Variants in CLMN observed in about 807,000 individuals in gnomAD.
CLMN encodes calmin, also known as calmin (calponin-like, transmembrane).
CLMN carries 57 observed loss-of-function variants against 92.7 expected under a neutral mutation model. The observed-to-expected ratio is 0.61, with a 90% confidence interval of 0.50 to 0.77. CLMN has a LOEUF of 0.77. Ranked by LOEUF, CLMN falls within the 30% of genes least tolerant of loss-of-function variation. The probability of loss-of-function intolerance (pLI) is 0.00; values close to 1 mark genes in which losing one functional copy is unlikely to be tolerated. For missense variants in CLMN, 1,158 were observed against 1,237.5 expected (o/e 0.94, Z 0.96); for synonymous variants, 466 against 470.6 (o/e 0.99, Z 0.13).
chr14:95,253,638 A>C (rs1898880460), intron 1 of CLMN, among the ~76,000 whole-genome samples: 1 of 147,976 alleles, frequency 6.8e-6, no homozygotes, highest in African/African-American at 2.5e-5. Context: ...TTTGAGACAG[A>C]GTCTCTCTCT....
intron 1 of CLMN, among the ~76,000 whole-genome samples, chr14:95,292,845 G>A (rs909237872): frequency 6.6e-6 from 1 of 152,090 alleles, no homozygotes; most frequent in South Asian, 2.1e-4. Context: ...GTGAGAGCAC[G>A]GGTGCCCGGT....
intron 4 of CLMN, among the ~76,000 whole-genome samples, chr14:95,216,132 C>A (rs927836397): frequency 1.3e-5 from 2 of 152,126 alleles, no homozygotes; most frequent in Admixed American, 1.3e-4. Context: ...GTTGGAGAGG[C>A]CTCACAATCA....
chr14:95,239,808 C>G (rs896442679), intron 1 of CLMN, among the ~76,000 whole-genome samples: 1 of 152,204 alleles, frequency 6.6e-6, no homozygotes, highest in Non-Finnish European at 1.5e-5. Flanking sequence ...TCGCAACGTT[C>G]TTACAGAATC....
chr14:95,256,436 G>A lies in CLMN; in HGVS notation c.83-26303C>T, dbSNP rs1269517055. On this transcript the variant is annotated intron_variant, in intron 1 of 12. Coordinates refer to ENST00000298912, the MANE Select transcript of CLMN (RefSeq NM_024734.4). This position sits in a 1 kb window ranked among gnomAD's most constrained non-coding sequence, Gnocchi z 4.9. ...ACAGATAATTGCAGTGCTTGACACT[G>A]AGAAGCACTCTAACTCCTTCTTTGT... 6.6e-6 allele frequency among the ~76,000 whole-genome samples: 1 copy of A among 152,226 alleles called. No individual in the cohort carries two copies. The highest frequency in any genetic ancestry group is 1.9e-4 in the East Asian group (1 of 5,196).
chr14:95,229,990 C>T (rs1028092017), intron 2 of CLMN, 82 bp downstream of exon 2: 2 of 1,317,720 alleles, frequency 1.5e-6, no homozygotes, highest in African/African-American at 1.5e-5. Context: ...CACAGGTCAC[C>T]AGCTCCCCCT....
chr14:95,270,612 T>C (rs1899670642), intron 1 of CLMN, among the ~76,000 whole-genome samples: 2 of 152,190 alleles, frequency 1.3e-5, no homozygotes, highest in East Asian at 3.8e-4. Context: ...TTTCAAGGTT[T>C]ATCCATGGAA....
intron 8 of CLMN, among the ~76,000 whole-genome samples, chr14:95,207,656 G>A (rs1384178685): frequency 1.3e-5 from 2 of 152,190 alleles, no homozygotes; most frequent in Admixed American, 6.5e-5. Flanking sequence ...CAATATAGAT[G>A]TGTATCAGAG....
At position 95,190,960 on chromosome 14, in the gene CLMN, G is replaced by C. The variant is rs1260779925; in HGVS notation, c.*604C>G. ...AGAGCACACAGTGGCTCTCAACACA[G>C]CTTTCACCTTCCTCCCTGGATTCTG... On this transcript the variant is annotated 3_prime_UTR_variant, in exon 13 of 13. Coordinates refer to ENST00000298912, the MANE Select transcript of CLMN (RefSeq NM_024734.4). The C allele has an allele frequency of 6.6e-6, 1 of 152,208 alleles. No individual in the cohort carries two copies. The highest frequency in any genetic ancestry group is 1.5e-5 in the Non-Finnish European group (1 of 68,062). The allele number at this position is 152,208 out of a possible 1,614,324, so 9.4% of individuals were successfully genotyped here.
Position 95,202,898 on chromosome 14 carries a change from G to A in CLMN, c.2451C>T (p.Ala817=). The A allele has an allele frequency of 6.3e-7, 1 of 1,581,872 alleles. No individual in the cohort carries two copies. Among genetic ancestry groups the A allele is most frequent in the Non-Finnish European group, 8.6e-7 (1 of 1,168,182 alleles). ...TTPASEPAPL[A]PHEDHQQRET... The stretch of plus-strand genomic sequence containing the variant: ...CCCTTTGCTGGTGGTCCTCATGGGG[G>A]GCCAGTGGAGCGGGTTCTGAGGCTG... Residue 817 remains alanine, a synonymous_variant, in exon 9 of 13, where the codon GCC becomes GCT. Transcript: ENST00000298912.
intron 1 of CLMN, among the ~76,000 whole-genome samples, chr14:95,271,624 G>C (rs1385040067): frequency 6.6e-6 from 1 of 152,240 alleles, no homozygotes; most frequent in Non-Finnish European, 1.5e-5. Flanking sequence ...AGAGTAGTAT[G>C]TAGGGTATAA....
At chr14:95,243,864 T>C (rs545990701) in intron 1 of CLMN, among the ~76,000 whole-genome samples, 22 of 152,278 alleles carry the variant, frequency 1.4e-4, no homozygotes, top group African/African-American at 3.9e-4. Context: ...CCAAATCTCA[T>C]GTCAAATTGT....
At chr14:95,209,516 C>A in intron 7 of CLMN, 39 bp from the exon 8 acceptor site, 1 of 1,481,950 alleles carries the variant, frequency 6.7e-7, no homozygotes, top group South Asian at 1.1e-5. Flanking sequence ...GAGATACAAA[C>A]ACACACGCTT....
chr14:95,252,371 G>C (rs115760131), intron 1 of CLMN, among the ~76,000 whole-genome samples: 1 of 152,098 alleles, frequency 6.6e-6, no homozygotes, highest in Non-Finnish European at 1.5e-5. Context: ...ATGAGAGCTG[G>C]TATTTACAAA....
At chr14:95,311,157 T>A (rs1901519667) in intron 1 of CLMN, among the ~76,000 whole-genome samples, 1 of 152,110 alleles carries the variant, frequency 6.6e-6, no homozygotes, top group African/African-American at 2.4e-5. Context: ...TGAACAGTGC[T>A]ATCTGAAGGT....
At chr14:95,306,718 A>G (rs1205916366) in intron 1 of CLMN, among the ~76,000 whole-genome samples, 1 of 152,238 alleles carries the variant, frequency 6.6e-6, no homozygotes, top group African/African-American at 2.4e-5. Context: ...AAAAGTGACC[A>G]TCATTTACTA....
intron 1 of CLMN, among the ~76,000 whole-genome samples, chr14:95,245,676 A>ATGGGTGGG (rs1372070018): frequency 2.2e-5 from 2 of 92,542 alleles, no homozygotes; most frequent in Non-Finnish European, 4.1e-5. Flanking sequence ...GGATAGATGG[A>ATGGGTGGG]TGGGTGGGTG....
rs1464633262 is a variant in CLMN, at chr14:95,285,248, C to T, written c.82+34463G>A. Among the ~76,000 whole-genome samples, 12 of 152,156 alleles carry T rather than the reference C, an allele frequency of 7.9e-5. 1 individual carries two copies. The highest frequency in any genetic ancestry group is 4.6e-4 in the Admixed American group (7 of 15,284). ...AATTAAACTTCTTTTTCTTCCCAGTCGTGGGTATGCCTTTATCAGCAGTGT... is the reference window on the plus strand; with the variant it reads ...AATTAAACTTCTTTTTCTTCCCAGTTGTGGGTATGCCTTTATCAGCAGTGT... On this transcript the variant is annotated intron_variant, in intron 1 of 12. Coordinates refer to ENST00000298912, the MANE Select transcript of CLMN (RefSeq NM_024734.4).
chr14:95,203,927 C>G lies in CLMN; in HGVS notation c.1422G>C (p.Gln474His). 6.2e-7 allele frequency: 1 copy of G among 1,614,186 alleles called. No homozygotes were observed. Among genetic ancestry groups the G allele is most frequent in the East Asian group, 2.2e-5 (1 of 44,890 alleles). ...CTGGAATCTTCGAGGATTCCTGTTT[C>G]TGTTCCTTTTCCTCAGCAACCTCAA... ...LAVEVAEEKE[Q>H]KQESSKIPES... is the part of the protein sequence containing the mutation. The change falls in exon 9 of 13, where the codon CAG becomes CAC. Residue 474 changes from glutamine (Q) to histidine (H), a missense_variant. Physicochemically the swap from Gln to His is conservative, Grantham distance 24 (BLOSUM62 0). Transcript: ENST00000298912.
rs116050912 is a variant in CLMN at position 95,205,179 on chromosome 14, C to T, written c.886-716G>A. On this transcript the variant is annotated intron_variant, in intron 8 of 12. Coordinates refer to ENST00000298912, the MANE Select transcript of CLMN (RefSeq NM_024734.4). ...CCTATTGACGCTGATATGATCAAAACGACAGCTCCTCATCTTACACACTTG... is the reference window on the plus strand; with the variant it reads ...CCTATTGACGCTGATATGATCAAAATGACAGCTCCTCATCTTACACACTTG... Among the ~76,000 whole-genome samples, 558 of 152,234 alleles carry T rather than the reference C, an allele frequency of 3.7e-3. 6 individuals are homozygous for T. Among genetic ancestry groups the T allele is most frequent in the African/African-American group, 0.012 (516 of 41,530 alleles).
Sources: gnomAD v4.1 joint callset for allele counts (sites outside exome capture counted in the v4.1 genomes callset) on GRCh38, gnomAD v4.1.1 for gene constraint, Gnocchi (gnomAD v3.1) non-coding constraint, MANE v1.5 for transcripts, NCBI Gene and HGNC (gene_info 2026-07-23, HGNC 2026-07-21) for gene names.